The following HIVEP2 variants were observed in gnomAD, a reference collection of about 807,000 sequenced individuals.
The protein encoded by HIVEP2 is HIVEP zinc finger 2.
Under a neutral mutation model 180.7 loss-of-function variants are expected in HIVEP2, and 14 were observed. The observed-to-expected ratio is 0.08, with a 90% confidence interval of 0.05 to 0.12. The LOEUF is 0.12. Ranked by LOEUF, HIVEP2 falls within the 10% of genes least tolerant of loss-of-function variation. The pLI, the probability that HIVEP2 is intolerant of heterozygous loss-of-function variation, is 1.00. For missense variants in HIVEP2, 2,579 were observed against 3,008.5 expected, an observed-to-expected ratio of 0.86 and a Z score of 3.34; for synonymous variants, 1,184 against 1,136.4, an observed-to-expected ratio of 1.04 and a Z score of -0.84.
chr6:142,833,746 G>C (rs1225601310), intron 2 of HIVEP2, among the ~76,000 whole-genome samples: 1 of 152,186 alleles, frequency 6.6e-6, no homozygotes, highest in Non-Finnish European at 1.5e-5. Flanking sequence ...TAAGCTAACA[G>C]TACTGGGCTC....
rs189125160 is a variant in HIVEP2, at chr6:142,845,472, C to T, written c.-640-8425G>A. 2.8e-3 allele frequency among the ~76,000 whole-genome samples: 422 copies of T among 152,204 alleles called. 2 individuals carry two copies. Among genetic ancestry groups the T allele is most frequent in the African/African-American group, 8.2e-3 (340 of 41,508 alleles). On this transcript the variant is annotated intron_variant, in intron 1 of 9. Coordinates refer to ENST00000367603, the MANE Select transcript of HIVEP2 (RefSeq NM_006734.4). ...GTATGTCTTTTGACTAATTATTAGG[C>T]GTAGTCCCATTTTTTTCTCCTTGGT... is the stretch of plus-strand genomic sequence containing the variant.
At chr6:142,897,926 T>A (rs535949028) in intron 1 of HIVEP2, among the ~76,000 whole-genome samples, 1 of 152,320 alleles carries the variant, frequency 6.6e-6, no homozygotes, top group South Asian at 2.1e-4. Context: ...CTAATCCTTG[T>A]CTATCTCGGC....
intron 2 of HIVEP2, among the ~76,000 whole-genome samples, chr6:142,785,309 CAAAAA>C (rs57458259): frequency 0.017 from 1,101 of 65,412 alleles, 53 homozygotes; most frequent in African/African-American, 0.049. Flanking sequence ...TGGCATTCCT[CAAAAA>C]AAAAAAAAAA....
intron 9 of HIVEP2, among the ~76,000 whole-genome samples, chr6:142,756,755 TCA>T (rs2114597038): frequency 6.6e-6 from 1 of 152,180 alleles, no homozygotes; most frequent in South Asian, 2.1e-4. Context: ...TAGTAGACCC[TCA>T]AAAATTCAGT....
At chr6:142,884,367 C>G (rs920424247) in intron 1 of HIVEP2, among the ~76,000 whole-genome samples, 2 of 151,742 alleles carry the variant, frequency 1.3e-5, no homozygotes, top group Non-Finnish European at 2.9e-5. Flanking sequence ...AAAAAAATAG[C>G]CTTAGAAGAT....
rs867415181 is a variant in HIVEP2 at position 142,818,644 on chromosome 6, G to A, written c.-528+18291C>T. ...AGATTGCACAACTGCATTCTAGCCTGGGGGACAGAGTAAAACTCTGTCAAA... is the reference window on the plus strand; with the variant it reads ...AGATTGCACAACTGCATTCTAGCCTAGGGGACAGAGTAAAACTCTGTCAAA... On this transcript the variant is annotated intron_variant, in intron 2 of 9. Coordinates refer to ENST00000367603, the MANE Select transcript of HIVEP2 (RefSeq NM_006734.4). 2.5e-4 allele frequency among the ~76,000 whole-genome samples: 37 copies of A among 149,752 alleles called. 1 individual carries two copies. In the Middle Eastern group the frequency reaches 0.01, roughly 42 times the overall value.
chr6:142,782,727 A>T (rs1220050415), intron 3 of HIVEP2, among the ~76,000 whole-genome samples: 2 of 152,226 alleles, frequency 1.3e-5, no homozygotes, highest in Non-Finnish European at 2.9e-5. Context: ...ATCTAATTTG[A>T]TATTTAAAGC....
intron 1 of HIVEP2, among the ~76,000 whole-genome samples, chr6:142,912,574 C>T (rs36091009): frequency 0.062 from 9,466 of 152,302 alleles, 386 homozygotes; most frequent in Middle Eastern, 0.12. Flanking sequence ...TTAGGAACCG[C>T]GTCGCACAGC....
intron 1 of HIVEP2, among the ~76,000 whole-genome samples, chr6:142,871,631 C>A (rs924616426): frequency 6.7e-6 from 1 of 149,204 alleles, no homozygotes; most frequent in Non-Finnish European, 1.5e-5. Flanking sequence ...AAAAAAAAAT[C>A]ACAAAAATAC....
intron 1 of HIVEP2, among the ~76,000 whole-genome samples, chr6:142,893,516 C>T (rs1010346083): frequency 2.0e-5 from 3 of 152,156 alleles, no homozygotes; most frequent in Non-Finnish European, 4.4e-5. Flanking sequence ...ATCTGACTCC[C>T]CTTTGCAGAT....
intron 1 of HIVEP2, among the ~76,000 whole-genome samples, chr6:142,888,198 C>T (rs1776757941): frequency 6.6e-6 from 1 of 152,000 alleles, no homozygotes; most frequent in South Asian, 2.1e-4. Flanking sequence ...TGATGGGATT[C>T]TGTTTTGTTT....
intron 2 of HIVEP2, among the ~76,000 whole-genome samples, chr6:142,795,912 T>C (rs192646223): frequency 1.1e-3 from 174 of 152,284 alleles, no homozygotes; most frequent in Non-Finnish European, 1.9e-3. Context: ...CCATCTGCCA[T>C]GGACAAACCG....
At chr6:142,784,615 A>G (rs1775938479) in intron 2 of HIVEP2, among the ~76,000 whole-genome samples, 1 of 152,238 alleles carries the variant, frequency 6.6e-6, no homozygotes, top group Admixed American at 6.5e-5. Flanking sequence ...CACGTCAGTA[A>G]CCAGATGAAT....
intron 1 of HIVEP2, among the ~76,000 whole-genome samples, chr6:142,867,715 G>A (rs750024809): frequency 1.3e-5 from 2 of 152,170 alleles, no homozygotes; most frequent in East Asian, 3.8e-4. Context: ...AAAAGAATTT[G>A]TGTATGCTGC....
intron 5 of HIVEP2, among the ~76,000 whole-genome samples, chr6:142,768,945 C>T (rs1775447693): frequency 6.6e-6 from 1 of 151,962 alleles, no homozygotes; most frequent in African/African-American, 2.4e-5. Flanking sequence ...ATTTTTAAAT[C>T]CTCTATTTGC....
chr6:142,863,444 C>T (rs1194588213), intron 1 of HIVEP2, among the ~76,000 whole-genome samples: 2 of 151,920 alleles, frequency 1.3e-5, no homozygotes, highest in African/African-American at 2.4e-5. Context: ...TTACTAATGA[C>T]TATTAACAAT....
intron 1 of HIVEP2, among the ~76,000 whole-genome samples, chr6:142,924,016 C>T (rs1357258647): frequency 6.6e-6 from 1 of 152,192 alleles, no homozygotes; most frequent in East Asian, 1.9e-4. Flanking sequence ...TGCTAAATGT[C>T]TTCTTTTATA....
chr6:142,801,568 C>T (rs1476705493), intron 2 of HIVEP2, among the ~76,000 whole-genome samples: 2 of 152,048 alleles, frequency 1.3e-5, no homozygotes, highest in African/African-American at 4.8e-5. Flanking sequence ...AGTATTTCCA[C>T]ATCACCTCTC....
At chr6:142,929,878 A>G (rs186230115) in intron 1 of HIVEP2, among the ~76,000 whole-genome samples, 1 of 152,284 alleles carries the variant, frequency 6.6e-6, no homozygotes, top group Non-Finnish European at 1.5e-5. Context: ...TAGACTTTGA[A>G]AAGTCTTTGA....
Sources: gnomAD v4.1 joint callset for allele counts (sites outside exome capture counted in the v4.1 genomes callset) on GRCh38, gnomAD v4.1.1 for gene constraint, MANE v1.5 for transcripts, NCBI Gene and HGNC (gene_info 2026-07-23, HGNC 2026-07-21) for gene names.